Variants in RDX observed in about 807,000 individuals in gnomAD.
RDX encodes the protein radixin.
RDX carries 32 observed loss-of-function variants against 83.7 expected under a neutral mutation model. That is an observed-to-expected ratio of 0.38 (90% CI 0.29 to 0.51). RDX has a LOEUF of 0.51. Among genes scored for constraint, RDX ranks in the 20% least tolerant of loss-of-function variants. The pLI, the probability that RDX is intolerant of heterozygous loss-of-function variation, is 0.87. For missense variants in RDX, 600 were observed against 689.9 expected, an observed-to-expected ratio of 0.87 and a Z score of 1.46; for synonymous variants, 229 against 222.7, an observed-to-expected ratio of 1.03 and a Z score of -0.25.
intron 15 of RDX, among the ~76,000 whole-genome samples, chr11:110,195,000 G>C (rs1863173747): frequency 6.6e-6 from 1 of 151,966 alleles, no homozygotes; most frequent in Non-Finnish European, 1.5e-5. Flanking sequence ...GTTTTGTTTT[G>C]TTTTGTTTGA....
At chr11:110,199,609 G>A (rs1863324974) in exon 15 of RDX, 2 of 702,914 alleles carry the variant, frequency 2.8e-6, no homozygotes, top group African/African-American at 1.7e-5. Context: ...TTCTTCCTAA[G>A]GGTTACATTT....
intron 5 of RDX, among the ~76,000 whole-genome samples, chr11:110,262,793 G>A (rs534697343): frequency 2.2e-4 from 34 of 152,206 alleles, no homozygotes; most frequent in Admixed American, 7.2e-4. Flanking sequence ...GAGGTTTTAG[G>A]TCATGTACCT....
At chr11:110,216,275 G>T (rs1448012970) in intron 14 of RDX, among the ~76,000 whole-genome samples, 1 of 152,072 alleles carries the variant, frequency 6.6e-6, no homozygotes, top group Non-Finnish European at 1.5e-5. Flanking sequence ...TGCATATGTT[G>T]TTCCTTCTAC....
chr11:110,275,331 T>C (rs1007244850), intron 2 of RDX, among the ~76,000 whole-genome samples: 10 of 152,200 alleles, frequency 6.6e-5, no homozygotes, highest in Admixed American at 3.3e-4. Flanking sequence ...AGCTAATCAA[T>C]TTATCTGGCT....
chr11:110,210,295 A>G (rs1863784739), intron 14 of RDX, among the ~76,000 whole-genome samples: 1 of 134,710 alleles, frequency 7.4e-6, no homozygotes, highest in Non-Finnish European at 1.6e-5. Context: ...AGAAAAAAAG[A>G]ATAAAAAGAA....
chr11:110,291,500 A>G (rs555019995), intron 1 of RDX, among the ~76,000 whole-genome samples: 1 of 152,142 alleles, frequency 6.6e-6, no homozygotes, highest in Non-Finnish European at 1.5e-5. Context: ...GGCTCGAAAG[A>G]CATCTGCTTG....
chr11:110,184,429 G>T (rs1172244842), intron 15 of RDX, among the ~76,000 whole-genome samples: 1 of 151,948 alleles, frequency 6.6e-6, no homozygotes, highest in African/African-American at 2.4e-5. Context: ...GTCCCTGAGG[G>T]ACTGTGCAGA....
In RDX at chr11:110,266,675, C is replaced by T. The variant is rs181867915; in HGVS notation, c.97-1801G>A. Among the ~76,000 whole-genome samples the T allele has an allele frequency of 4.5e-3, 679 of 152,060 alleles. 23 individuals carry two copies. The highest frequency in any genetic ancestry group is 0.041 in the Admixed American group (623 of 15,284). ...CTTGACCTCCTGGGCTGAAGCAATC[C>T]TCCTGCCTCAGCCTCCTGAATGGCT... On this transcript the variant is annotated intron_variant, in intron 3 of 13. Transcript: ENST00000645495.
At chr11:110,197,705 T>C (rs1261755703) in intron 15 of RDX, among the ~76,000 whole-genome samples, 2 of 152,212 alleles carry the variant, frequency 1.3e-5, no homozygotes, top group African/African-American at 2.4e-5. Flanking sequence ...AAGAGTTACA[T>C]GAATGAATTT....
chr11:110,289,922 G>A (rs572646658), intron 1 of RDX, among the ~76,000 whole-genome samples: 1 of 110,754 alleles, frequency 9.0e-6, no homozygotes, highest in South Asian at 2.9e-4. Context: ...TCATGCCACT[G>A]CACTCCAGCC....
chr11:110,293,346 A>G (rs1432591723), intron 1 of RDX, among the ~76,000 whole-genome samples: 1 of 152,108 alleles, frequency 6.6e-6, no homozygotes, highest in Non-Finnish European at 1.5e-5. Flanking sequence ...CATTTTTCTG[A>G]GTTTTTAAAC....
intron 15 of RDX, among the ~76,000 whole-genome samples, chr11:110,177,799 C>T (rs1201865172): frequency 6.6e-6 from 1 of 152,164 alleles, no homozygotes; most frequent in East Asian, 1.9e-4. Flanking sequence ...GCTCTTGTTA[C>T]AGCAAACACT....
intron 15 of RDX, among the ~76,000 whole-genome samples, chr11:110,192,089 A>G (rs537624447): frequency 6.6e-6 from 1 of 152,340 alleles, no homozygotes; most frequent in East Asian, 1.9e-4. Flanking sequence ...AGCAATCCAA[A>G]GCAAAAAGAA....
intron 5 of RDX, among the ~76,000 whole-genome samples, chr11:110,260,810 A>C (rs1440892841): frequency 6.6e-6 from 1 of 152,196 alleles, no homozygotes; most frequent in Non-Finnish European, 1.5e-5. Flanking sequence ...TAGGCTAATA[A>C]TACTAATACA....
intron 2 of RDX, among the ~76,000 whole-genome samples, chr11:110,276,543 A>G (rs1860526273): frequency 6.6e-6 from 1 of 152,190 alleles, no homozygotes; most frequent in Non-Finnish European, 1.5e-5. Flanking sequence ...TTAGTATTGG[A>G]ACAACACGAA....
At chr11:110,265,381 T>G (rs1859993784) in intron 3 of RDX, among the ~76,000 whole-genome samples, 1 of 152,052 alleles carries the variant, frequency 6.6e-6, no homozygotes, top group Non-Finnish European at 1.5e-5. Context: ...CGTAAGCCAC[T>G]GCACCTGGCC....
chr11:110,250,127 C>T (rs947317785), intron 9 of RDX, among the ~76,000 whole-genome samples: 4 of 152,190 alleles, frequency 2.6e-5, no homozygotes, highest in Admixed American at 2.6e-4. Flanking sequence ...TTCTAGAAGA[C>T]GTGAGTTTAA....
intron 1 of RDX, among the ~76,000 whole-genome samples, chr11:110,292,176 C>T (rs1466068554): frequency 5.9e-5 from 9 of 151,984 alleles, no homozygotes; most frequent in Non-Finnish European, 1.3e-4. Context: ...GCCTTAAATC[C>T]CAGCTACTAG....
At chr11:110,249,267 G>A (rs1017671980) in intron 9 of RDX, among the ~76,000 whole-genome samples, 1 of 152,154 alleles carries the variant, frequency 6.6e-6, no homozygotes, top group Non-Finnish European at 1.5e-5. Flanking sequence ...CACAAAAAGA[G>A]CACTGCCACC....
Sources: allele counts gnomAD v4.1 joint callset (sites outside exome capture counted in the v4.1 genomes callset), GRCh38; gene constraint gnomAD v4.1.1; transcripts MANE v1.5; gene names NCBI Gene and HGNC (gene_info 2026-07-23, HGNC 2026-07-21).